TNS1: variants seen among roughly 807,000 people sequenced by gnomAD.
The protein encoded by TNS1 is tensin 1.
Under a neutral mutation model 168.6 loss-of-function variants are expected in TNS1, and 62 were observed. The observed-to-expected ratio is 0.37, with a 90% CI of 0.30 to 0.45. The LOEUF (loss-of-function observed/expected upper bound fraction) is 0.45, where lower values mean the gene tolerates loss of function less well. Among genes scored for constraint, TNS1 ranks in the 20% least tolerant of loss-of-function variants. TNS1 has a pLI of 1.00. For synonymous variants in TNS1, 934 were observed against 933.2 expected, an observed-to-expected ratio of 1.00 and a Z score of -0.02; for missense variants, 2,240 against 2,339.4, an observed-to-expected ratio of 0.96 and a Z score of 0.88.
intron 3 of TNS1, among the ~76,000 whole-genome samples, chr2:217,973,367 G>GAAAAAA (rs58463140): frequency 2.1e-5 from 2 of 93,584 alleles, no homozygotes; most frequent in African/African-American, 4.1e-5. Context: ...TCCTGTCTCT[G>GAAAAAA]AAAAAAAAAA....
chr2:217,920,627 AT>A (rs1323987960), intron 3 of TNS1, among the ~76,000 whole-genome samples: 2 of 147,328 alleles, frequency 1.4e-5, no homozygotes, highest in Admixed American at 6.8e-5. Flanking sequence ...TTCATTTTAC[AT>A]TTTTAAAAAC....
intron 30 of TNS1, 108 bp downstream of exon 30, chr2:217,809,715 G>A (rs1028378124): frequency 2.6e-6 from 3 of 1,154,488 alleles, no homozygotes; most frequent in Middle Eastern, 2.2e-4. Context: ...AGGTAGATGA[G>A]CAGTTGGGTG....
At chr2:217,956,436 A>AGTC (rs2125990095) in intron 3 of TNS1, among the ~76,000 whole-genome samples, 1 of 88,904 alleles carries the variant, frequency 1.1e-5, no homozygotes, top group South Asian at 3.3e-4. Flanking sequence ...GGACGCAGAA[A>AGTC]AGAGAAAGAA....
chr2:217,934,637 C>T (rs1956506511), intron 3 of TNS1, among the ~76,000 whole-genome samples: 2 of 152,254 alleles, frequency 1.3e-5, no homozygotes, highest in Non-Finnish European at 2.9e-5. Context: ...ACCTGAGTCA[C>T]TGGGACAGAG....
chr2:217,811,729 C>T (rs1013349778), intron 28 of TNS1, among the ~76,000 whole-genome samples: 9 of 152,274 alleles, frequency 5.9e-5, no homozygotes, highest in South Asian at 2.1e-4. Context: ...AGGGCTGATG[C>T]GCCTCCATGA....
In TNS1 at chr2:217,835,108, C is replaced by T. The variant is rs771168811; in HGVS notation, c.3263G>A (p.Ser1088Asn). The change falls in exon 21 of 33, where the codon AGC becomes AAC. Residue 1088 changes from serine to asparagine, a missense_variant. Transcript: ENST00000682258. ...FEEMEGTSPSSPPPSGVRSPP... is the reference protein window; with the variant it reads ...FEEMEGTSPSNPPPSGVRSPP... ...ATTCTTACCCCCACTGGGTGGTGGG[C>T]TGCTCGGGGAGGTTCCCTCCATCTC... The T allele has an allele frequency of 6.3e-7, 1 of 1,585,214 alleles. No homozygotes were observed. Among genetic ancestry groups the T allele is most frequent in the South Asian group, 1.2e-5 (1 of 85,762 alleles).
In TNS1 at chr2:217,904,786, C is replaced by T. The variant is rs115848150; in HGVS notation, c.321+1549G>A. Among the ~76,000 whole-genome samples, 854 of 152,330 alleles carry T rather than the reference C, an allele frequency of 5.6e-3. 5 individuals are homozygous for T. The highest frequency in any genetic ancestry group is 0.019 in the African/African-American group (786 of 41,570). ...TGTCTCTTGCTGTAGCTCTAGTTGA[C>T]GGGATCCATCTGGCCCAGACTGGGG... On this transcript the variant is annotated intron_variant, in intron 6 of 32. Transcript: ENST00000682258.
intron 30 of TNS1, 167 bp downstream of exon 30, chr2:217,809,656 G>T (rs1940443897): frequency 5.9e-6 from 4 of 679,758 alleles, no homozygotes; most frequent in Non-Finnish European, 7.4e-6. Flanking sequence ...TGGATGGATG[G>T]ATAAGTAGCT....
At chr2:217,907,186 C>T in intron 5 of TNS1, 24 bp downstream of exon 5, 1 of 703,062 alleles carries the variant, frequency 1.4e-6, no homozygotes, top group Non-Finnish European at 2.6e-6. Flanking sequence ...TCCAGCTCCC[C>T]CACCACCACC....
chr2:217,960,858 T>C lies in TNS1; in HGVS notation c.186+17907A>G, dbSNP rs185966852. On this transcript the variant is annotated intron_variant, in intron 3 of 32. Transcript: ENST00000682258. ...CTCCAGGAAGACCAAGAAAAGCACC[T>C]GGTTACCCTCAGTGACTGTCTGGTA... 4.5e-3 allele frequency among the ~76,000 whole-genome samples: 682 copies of C among 152,252 alleles called. 3 individuals are homozygous for C. The highest frequency in any genetic ancestry group is 7.6e-3 in the Non-Finnish European group (520 of 68,018).
intron 18 of TNS1, among the ~76,000 whole-genome samples, chr2:217,869,932 C>CTGAG (rs1351721215): frequency 1.3e-5 from 2 of 152,206 alleles, no homozygotes; most frequent in African/African-American, 4.8e-5. Context: ...GTGCCCTGGC[C>CTGAG]CTCAGCTCAC....
chr2:217,951,693 C>A (rs1400256637), intron 3 of TNS1, among the ~76,000 whole-genome samples: 1 of 152,188 alleles, frequency 6.6e-6, no homozygotes, highest in Non-Finnish European at 1.5e-5. Context: ...CGGCTCCCAC[C>A]ACTGGGGGAA....
intron 19 of TNS1, chr2:217,842,135 T>C: frequency 2.8e-6 from 2 of 702,896 alleles, no homozygotes; most frequent in Non-Finnish European, 5.2e-6. Flanking sequence ...TGTGGGAGGT[T>C]CCAGGACTCC....
chr2:217,981,477 C>T (rs955907588), intron 2 of TNS1, among the ~76,000 whole-genome samples: 5 of 152,228 alleles, frequency 3.3e-5, no homozygotes, highest in African/African-American at 1.2e-4. Flanking sequence ...TTGCAATACG[C>T]TATGCTGAGT....
rs1287160370 is a variant in TNS1 at position 217,847,395 on chromosome 2, C to T, written c.3007+115G>A. 5 of 1,044,740 alleles carry T rather than the reference C, an allele frequency of 4.8e-6. No homozygotes were observed. The African/African-American group carries it at 4.9e-5, about 10-fold the overall frequency. The allele number at this position is 1,044,740 out of a possible 1,614,324, so 64.7% of individuals were successfully genotyped here. On this transcript the variant is annotated intron_variant, in intron 19 of 32. Transcript: ENST00000682258. ...GGCTAGCATATAGGCTCCTGAGAGC[C>T]TCCTCCCACCAGTGAAAGCAACATC...
intron 19 of TNS1, among the ~76,000 whole-genome samples, chr2:217,836,936 A>T (rs1945258775): frequency 6.6e-6 from 1 of 151,912 alleles, no homozygotes. Flanking sequence ...TGTACTTCCC[A>T]TCCCAATCCC....
intron 18 of TNS1, chr2:217,850,228 G>T: frequency 1.0e-6 from 1 of 985,402 alleles, no homozygotes; most frequent in Non-Finnish European, 1.2e-6. Context: ...AACAGGCCAA[G>T]GTGGGGCTCA....
At chr2:217,926,819 G>C (rs1956052763) in intron 3 of TNS1, among the ~76,000 whole-genome samples, 1 of 152,246 alleles carries the variant, frequency 6.6e-6, no homozygotes, top group Non-Finnish European at 1.5e-5. Context: ...TGCCAGACCA[G>C]AGAAGGCACA....
rs1196057954 is a variant in TNS1 at position 217,906,348 on chromosome 2, C to T, written c.308G>A (p.Ser103Asn). 4.4e-6 allele frequency: 3 copies of T among 687,364 alleles called. No homozygotes were observed. Among genetic ancestry groups the T allele is most frequent in the Non-Finnish European group, 8.0e-6 (3 of 376,188 alleles). 42.6% of individuals were successfully genotyped at this position (687,364 alleles called of 1,614,324 possible). ...GASRGGNTRK[S>N]LEDNGSTRVT... is the part of the protein sequence containing the mutation. ...ATCCACACTCACGTTGTCCTCGAGG[C>T]TTTTCCGTGTGTTTCCACCCCGGGA... The change falls in exon 6 of 33, where the codon AGC becomes AAC. Residue 103 changes from serine to asparagine, a missense_variant. Around this residue, in one of 2 missense-constraint regions of TNS1, gnomAD observed 2,131 missense variants for 2,171.2 expected, o/e 0.98. Transcript: ENST00000682258.
Sources: gnomAD v4.1 joint callset for allele counts (sites outside exome capture counted in the v4.1 genomes callset) on GRCh38, gnomAD v4.1.1 for gene constraint, gnomAD v4.1.1 regional missense constraint, MANE v1.5 for transcripts, NCBI Gene and HGNC (gene_info 2026-07-23, HGNC 2026-07-21) for gene names.